LINGO2: variants seen among roughly 807,000 people sequenced by gnomAD.
LINGO2 encodes leucine rich repeat and Ig domain containing 2.
Under a neutral mutation model 30.6 loss-of-function variants are expected in LINGO2, and 14 were observed. The ratio of observed to expected loss-of-function variants is 0.46; its 90% CI spans 0.30 to 0.72. LINGO2 has a LOEUF of 0.72. LINGO2 is among the 30% of genes least tolerant of loss of function. LINGO2 has a pLI of 0.07. For synonymous variants in LINGO2, 317 were observed against 288.5 expected (o/e 1.10, Z -1.00); for missense variants, 729 against 751.7 (o/e 0.97, Z 0.35).
At chr9:29,085,081 T>C in the LINGO2 span, among the ~76,000 whole-genome samples, 2 of 151,894 alleles carry the variant, frequency 1.3e-5, no homozygotes, top group South Asian at 4.1e-4. Flanking sequence ...ACAAAATTTA[T>C]TGTAACAACA....
chr9:28,505,744 G>A (rs908298997), intron 1 of LINGO2, among the ~76,000 whole-genome samples: 3 of 151,656 alleles, frequency 2.0e-5, no homozygotes, highest in African/African-American at 7.3e-5. Flanking sequence ...TAATTCCGAG[G>A]CTATCATTAG....
chr9:28,108,951 T>TA (rs902601488), intron 4 of LINGO2, among the ~76,000 whole-genome samples: 5 of 151,166 alleles, frequency 3.3e-5, no homozygotes, highest in South Asian at 2.1e-4. Flanking sequence ...CTTCATGCTA[T>TA]AAAAAAAAGG....
At chr9:29,191,245 T>C in the LINGO2 span, among the ~76,000 whole-genome samples, 2 of 152,136 alleles carry the variant, frequency 1.3e-5, no homozygotes, top group Non-Finnish European at 2.9e-5. Flanking sequence ...TTCAGTCTGT[T>C]AGGTGCATTT....
chr9:29,210,926 C>T, the LINGO2 span, among the ~76,000 whole-genome samples: 1 of 152,242 alleles, frequency 6.6e-6, no homozygotes, highest in Admixed American at 6.5e-5. Context: ...GTGATGGTGA[C>T]AGAACCCTAA....
At chr9:28,309,994 C>T (rs1328512400) in intron 3 of LINGO2, among the ~76,000 whole-genome samples, 1 of 151,974 alleles carries the variant, frequency 6.6e-6, no homozygotes, top group African/African-American at 2.4e-5. Flanking sequence ...ATTAAAAAGG[C>T]TTATCTTACC....
At chr9:28,143,228 C>T (rs1827723912) in intron 4 of LINGO2, among the ~76,000 whole-genome samples, 1 of 152,080 alleles carries the variant, frequency 6.6e-6, no homozygotes, top group Admixed American at 6.5e-5. Context: ...ACTTCATGTC[C>T]TAGTGGAATA....
the LINGO2 span, among the ~76,000 whole-genome samples, chr9:29,103,692 T>C: frequency 6.6e-6 from 1 of 152,194 alleles, no homozygotes; most frequent in Non-Finnish European, 1.5e-5. Context: ...ATGTAGGTTC[T>C]TGTCCTAAAG....
At chr9:28,182,454 A>G (rs1456803009) in intron 4 of LINGO2, among the ~76,000 whole-genome samples, 4 of 152,360 alleles carry the variant, frequency 2.6e-5, no homozygotes, top group African/African-American at 7.2e-5. Context: ...ACAAGCCAAA[A>G]TTGATAAATG....
intron 4 of LINGO2, among the ~76,000 whole-genome samples, chr9:28,205,051 T>C (rs1218420707): frequency 6.6e-6 from 1 of 152,102 alleles, no homozygotes; most frequent in Non-Finnish European, 1.5e-5. Context: ...TTCAGAAATA[T>C]GTGTTGAGTC....
At chr9:28,137,026 T>A (rs1281802054) in intron 4 of LINGO2, among the ~76,000 whole-genome samples, 2 of 152,102 alleles carry the variant, frequency 1.3e-5, no homozygotes, top group Non-Finnish European at 2.9e-5. Flanking sequence ...TATGCCTTCA[T>A]CTCTCCTGTT....
chr9:28,284,744 T>C (rs1276413361), intron 4 of LINGO2, among the ~76,000 whole-genome samples: 3 of 152,204 alleles, frequency 2.0e-5, no homozygotes, highest in Non-Finnish European at 2.9e-5. Context: ...AGATATATGT[T>C]AACATTTCAT....
intron 1 of LINGO2, among the ~76,000 whole-genome samples, chr9:28,666,607 C>A (rs934178308): frequency 6.6e-5 from 10 of 152,192 alleles, no homozygotes; most frequent in Non-Finnish European, 1.3e-4. Context: ...TGAAATCACT[C>A]TTTCCTACCA....
chr9:29,135,215 T>A, the LINGO2 span, among the ~76,000 whole-genome samples: 1 of 152,248 alleles, frequency 6.6e-6, no homozygotes, highest in Non-Finnish European at 1.5e-5. Context: ...GTAAACCTCA[T>A]ACTCTTTCCC....
intron 4 of LINGO2, among the ~76,000 whole-genome samples, chr9:28,098,908 A>C (rs999692174): frequency 6.6e-5 from 10 of 152,152 alleles, no homozygotes. Context: ...TATTGAAAAA[A>C]ATGGGGTGAA....
chr9:28,793,105 A>C, the LINGO2 span, among the ~76,000 whole-genome samples: 2 of 152,308 alleles, frequency 1.3e-5, no homozygotes, highest in East Asian at 3.9e-4. Context: ...TAGAAATCCA[A>C]TATCTTTACT....
chr9:29,206,643 T>C, the LINGO2 span, among the ~76,000 whole-genome samples: 2 of 152,138 alleles, frequency 1.3e-5, no homozygotes, highest in African/African-American at 4.8e-5. Context: ...GTATTGTTAT[T>C]TTGTATAGCC....
the LINGO2 span, among the ~76,000 whole-genome samples, chr9:28,876,209 CAG>C: frequency 3.3e-5 from 5 of 151,890 alleles, 1 homozygote; most frequent in Non-Finnish European, 7.4e-5. Flanking sequence ...TAAGACCTCT[CAG>C]AGAGTCATGC....
intron 1 of LINGO2, among the ~76,000 whole-genome samples, chr9:28,570,613 A>C (rs1234354538): frequency 6.6e-6 from 1 of 151,762 alleles, no homozygotes; most frequent in Non-Finnish European, 1.5e-5. Flanking sequence ...GTTTGCAAAA[A>C]AAAAAACACC....
chr9:28,486,637 C>T (rs1826175083), intron 1 of LINGO2, among the ~76,000 whole-genome samples: 1 of 152,002 alleles, frequency 6.6e-6, no homozygotes, highest in African/African-American at 2.4e-5. Flanking sequence ...TCCTCAGGTA[C>T]AGGAGACATC....
Sources: allele counts gnomAD v4.1 joint callset (sites outside exome capture counted in the v4.1 genomes callset), GRCh38; gene constraint gnomAD v4.1.1; transcripts MANE v1.5; gene names NCBI Gene and HGNC (gene_info 2026-07-23, HGNC 2026-07-21).